Variants in DCT observed in about 807,000 individuals in gnomAD.
DCT encodes the protein dopachrome tautomerase, also known as L-dopachrome tautomerase.
Under a neutral mutation model 53.0 loss-of-function variants are expected in DCT, and 47 were observed. The observed-to-expected ratio is 0.89, with a 90% CI of 0.70 to 1.13. DCT has a LOEUF of 1.13. Ranked by LOEUF, DCT falls within the 50% of genes most tolerant of loss-of-function variation. The pLI is 0.00. For missense variants in DCT, 669 were observed against 637.4 expected (o/e 1.05, Z -0.53); for synonymous variants, 244 against 237.0 (o/e 1.03, Z -0.27).
At chr13:94,456,675 A>G (rs1883432125) in intron 6 of DCT, among the ~76,000 whole-genome samples, 2 of 152,204 alleles carry the variant, frequency 1.3e-5, no homozygotes, top group Admixed American at 1.3e-4. Flanking sequence ...TTCACTGAGA[A>G]CAACATTTTC....
the DCT span, among the ~76,000 whole-genome samples, chr13:94,535,085 G>A: frequency 3.1e-3 from 472 of 152,304 alleles, 2 homozygotes; most frequent in African/African-American, 0.011. Flanking sequence ...TCACTTGAAG[G>A]GACTGCAGCC....
the DCT span, among the ~76,000 whole-genome samples, chr13:94,523,312 T>C: frequency 6.6e-6 from 1 of 152,208 alleles, no homozygotes; most frequent in Non-Finnish European, 1.5e-5. Context: ...TGCCCTTAAG[T>C]CAAAACAACT....
intron 6 of DCT, among the ~76,000 whole-genome samples, chr13:94,449,551 A>AG (rs1266479452): frequency 6.6e-6 from 1 of 152,252 alleles, no homozygotes; most frequent in Non-Finnish European, 1.5e-5. Flanking sequence ...GTCAGAACTA[A>AG]GTGACAATTC....
intron 5 of DCT, 70 bp downstream of exon 5, chr13:94,461,940 A>C: frequency 7.2e-7 from 1 of 1,392,538 alleles, no homozygotes; most frequent in Non-Finnish European, 9.8e-7. Flanking sequence ...GTTTCCTTCC[A>C]GTTCTTTACA....
At chr13:94,487,794 A>T in the DCT span, among the ~76,000 whole-genome samples, 1 of 151,588 alleles carries the variant, frequency 6.6e-6, no homozygotes, top group South Asian at 2.1e-4. Context: ...AAAAGAGATT[A>T]TTTTTTTCCC....
rs1388192608 is a variant in DCT, at chr13:94,472,517, CATACATATATATATATATATAT to C, written c.296-3494_296-3473del. Among the ~76,000 whole-genome samples the C allele has an allele frequency of 1.3e-3, 63 of 47,794 alleles. 3 individuals are homozygous for C. The highest frequency in any genetic ancestry group is 3.6e-3 in the African/African-American group (43 of 11,910). The allele number at this position is 47,794 out of a possible 152,430, so 31.4% of individuals were successfully genotyped here. On this transcript the variant is annotated intron_variant, in intron 1 of 7. Coordinates refer to ENST00000377028, the MANE Select transcript of DCT (RefSeq NM_001922.5). ...ATACAGTGAGTTAAATATATACATA[CATACATATATATATATATATAT>C]ATATATATATATATATATATATATA... is the stretch of plus-strand genomic sequence containing the variant.
At chr13:94,494,637 T>G in the DCT span, among the ~76,000 whole-genome samples, 95,869 of 151,970 alleles carry the variant, frequency 0.63, 30,419 homozygotes, top group Middle Eastern at 0.68. Flanking sequence ...CTCTGAAAAC[T>G]TTCTATAATA....
chr13:94,531,801 T>C, the DCT span, among the ~76,000 whole-genome samples: 1 of 152,212 alleles, frequency 6.6e-6, no homozygotes, highest in South Asian at 2.1e-4. Context: ...AGGATTTAAT[T>C]AAACCAAAGA....
At chr13:94,542,877 G>T in the DCT span, among the ~76,000 whole-genome samples, 8 of 152,022 alleles carry the variant, frequency 5.3e-5, no homozygotes, top group South Asian at 4.2e-4. Context: ...ACACACGAGA[G>T]TACCAATGTT....
At position 94,470,026 on chromosome 13, in the gene DCT, G is replaced by C. The variant is rs1053507250; in HGVS notation, c.296-981C>G. On this transcript the variant is annotated intron_variant, in intron 1 of 7. Transcript: ENST00000377028. The stretch of plus-strand genomic sequence containing the variant: ...GGAAGTAGAGGTTGCAATGAGCCGA[G>C]ATCATGCCATTGTACTCCAGCCTGG... 2.6e-5 allele frequency among the ~76,000 whole-genome samples: 4 copies of C among 152,092 alleles called. No individual in the cohort carries two copies. The East Asian group carries it at 7.8e-4, about 29-fold the overall frequency.
At chr13:94,528,443 C>T in the DCT span, among the ~76,000 whole-genome samples, 3 of 149,928 alleles carry the variant, frequency 2.0e-5, no homozygotes, top group East Asian at 3.9e-4. Flanking sequence ...GTGAATCTCT[C>T]GGCAGAAACC....
the DCT span, among the ~76,000 whole-genome samples, chr13:94,497,286 C>A: frequency 6.6e-6 from 1 of 152,146 alleles, no homozygotes; most frequent in African/African-American, 2.4e-5. Context: ...CCCTGAGTCT[C>A]CAGCCTGCCA....
At chr13:94,516,891 T>C in the DCT span, among the ~76,000 whole-genome samples, 1 of 152,170 alleles carries the variant, frequency 6.6e-6, no homozygotes, top group Non-Finnish European at 1.5e-5. Flanking sequence ...GGTATTCTGT[T>C]ATAAGCAACA....
At position 94,475,978 on chromosome 13, in the gene DCT, G is replaced by T. The variant is rs1018409488; in HGVS notation, c.295+2983C>A. Among the ~76,000 whole-genome samples the T allele has an allele frequency of 9.9e-5, 15 of 152,280 alleles. No homozygotes were observed. The East Asian group carries it at 2.7e-3, about 27-fold the overall frequency. On this transcript the variant is annotated intron_variant, in intron 1 of 7. Coordinates refer to ENST00000377028, the MANE Select transcript of DCT (RefSeq NM_001922.5). ...ATGAGTTTGGACTGAGCAGATCACG[G>T]GGGGAGGTGAGCCACAGCCTGGAGA... is the stretch of plus-strand genomic sequence containing the variant.
At chr13:94,501,421 G>C in the DCT span, among the ~76,000 whole-genome samples, 1 of 152,138 alleles carries the variant, frequency 6.6e-6, no homozygotes, top group Non-Finnish European at 1.5e-5. Context: ...AGAAGTTAGT[G>C]CCTCTAGTAC....
Position 94,467,457 on chromosome 13 carries a change from C to T in DCT, c.596-799G>A, listed in dbSNP as rs1016841134. 12 of 152,186 alleles carry T rather than the reference C, an allele frequency of 7.9e-5. No homozygotes were observed. In the South Asian group the frequency reaches 1.4e-3, roughly 18 times the overall value. 9.4% of individuals were successfully genotyped at this position (152,186 alleles called of 1,614,324 possible). ...ATATAAATTTAATTCGTAGCTATGACCAGAAACTAGGACTTTCTTTTCCTC... is the reference window on the plus strand; with the variant it reads ...ATATAAATTTAATTCGTAGCTATGATCAGAAACTAGGACTTTCTTTTCCTC... On this transcript the variant is annotated intron_variant, in intron 2 of 7. Coordinates refer to ENST00000377028, the MANE Select transcript of DCT (RefSeq NM_001922.5).
At chr13:94,529,196 C>G in the DCT span, among the ~76,000 whole-genome samples, 2 of 152,126 alleles carry the variant, frequency 1.3e-5, no homozygotes, top group East Asian at 1.9e-4. Context: ...TAATAGGAGA[C>G]TTTAACACCC....
intron 6 of DCT, among the ~76,000 whole-genome samples, chr13:94,446,308 C>T (rs890138100): frequency 6.6e-6 from 1 of 152,066 alleles, no homozygotes. Flanking sequence ...ACCATCAGTA[C>T]TATTATTATT....
chr13:94,475,857 G>A (rs1885039962), intron 1 of DCT, among the ~76,000 whole-genome samples: 1 of 152,176 alleles, frequency 6.6e-6, no homozygotes, highest in African/African-American at 2.4e-5. Context: ...CAATAAAACT[G>A]GGAAACATTA....
Sources: allele counts gnomAD v4.1 joint callset (sites outside exome capture counted in the v4.1 genomes callset), GRCh38; gene constraint gnomAD v4.1.1; transcripts MANE v1.5; gene names NCBI Gene and HGNC (gene_info 2026-07-23, HGNC 2026-07-21).